Variants in ACYP2 observed in about 807,000 individuals in gnomAD.
ACYP2 encodes acylphosphatase 2, also known as acylphosphatase-2.
In ACYP2, 12 loss-of-function variants were observed where a neutral mutation model predicts 11.2. The observed-to-expected ratio is 1.08, with a 90% CI of 0.69 to 1.74. The LOEUF is 1.74. Ranked by LOEUF, ACYP2 falls within the 40% of genes most tolerant of loss-of-function variation. The probability of loss-of-function intolerance (pLI) is 0.00; values close to 1 mark genes in which losing one functional copy is unlikely to be tolerated. For synonymous variants in ACYP2, 43 were observed against 32.2 expected, an observed-to-expected ratio of 1.33 and a Z score of -1.13; for missense variants, 134 against 101.9, an observed-to-expected ratio of 1.31 and a Z score of -1.35.
At chr2:54,005,954 A>G (rs548393525) in intron 2 of ACYP2, among the ~76,000 whole-genome samples, 1 of 152,296 alleles carries the variant, frequency 6.6e-6, no homozygotes, top group South Asian at 2.1e-4. Context: ...TTTCGTAATC[A>G]TAAACATGGT....
intron 6 of ACYP2, among the ~76,000 whole-genome samples, chr2:54,251,709 C>G (rs560425793): frequency 6.6e-6 from 1 of 152,162 alleles, no homozygotes; most frequent in South Asian, 2.1e-4. Context: ...GACCATGTCT[C>G]CAGAGCAAAG....
At chr2:54,011,078 T>C (rs1411766043) in intron 2 of ACYP2, among the ~76,000 whole-genome samples, 1 of 152,202 alleles carries the variant, frequency 6.6e-6, no homozygotes, top group African/African-American at 2.4e-5. Flanking sequence ...TGGCTAGTTG[T>C]AACAAAGTAA....
intron 2 of ACYP2, among the ~76,000 whole-genome samples, chr2:54,038,800 T>TAAAAA (rs372376830): frequency 9.6e-6 from 1 of 104,422 alleles, no homozygotes; most frequent in Non-Finnish European, 1.9e-5. Context: ...TCAGAATAGG[T>TAAAAA]AAAAAAAAAA....
intron 4 of ACYP2, among the ~76,000 whole-genome samples, chr2:54,079,767 A>G (rs1037710588): frequency 2.6e-5 from 4 of 152,258 alleles, no homozygotes; most frequent in Non-Finnish European, 5.9e-5. Flanking sequence ...GAAAAATAAT[A>G]TAAGATTACA....
intron 6 of ACYP2, among the ~76,000 whole-genome samples, chr2:54,202,706 CTTTTTTTTTTTTTTTTTTTTTTTTTT>C (rs70944152): frequency 2.3e-5 from 1 of 43,056 alleles, no homozygotes; most frequent in Non-Finnish European, 4.2e-5. Context: ...CGGCGCCTGG[CTTTTTTTTTTTTTTTTTTTTTTTTTT>C]TTTTTTTTTT....
At chr2:53,996,819 C>G (rs1046116321) in intron 2 of ACYP2, among the ~76,000 whole-genome samples, 1 of 152,188 alleles carries the variant, frequency 6.6e-6, no homozygotes, top group African/African-American at 2.4e-5. Context: ...TCTCCTAATT[C>G]TTCTTCTTTG....
At chr2:54,224,133 T>C (rs1171844317) in intron 6 of ACYP2, among the ~76,000 whole-genome samples, 5 of 152,158 alleles carry the variant, frequency 3.3e-5, no homozygotes, top group Non-Finnish European at 5.9e-5. Flanking sequence ...GATCAAATTA[T>C]TTTGATGTAG....
chr2:54,249,940 CAAAAAAAAAAAAAAA>C (rs1015312135), intron 6 of ACYP2, among the ~76,000 whole-genome samples: 3 of 44,454 alleles, frequency 6.7e-5, no homozygotes, highest in African/African-American at 1.3e-4. Context: ...GACCCTGTCT[CAAAAAAAAAAAAAAA>C]AAAAAAAAAA....
At chr2:54,207,827 G>A (rs920750987) in intron 6 of ACYP2, among the ~76,000 whole-genome samples, 1 of 152,116 alleles carries the variant, frequency 6.6e-6, no homozygotes, top group African/African-American at 2.4e-5. Flanking sequence ...CAATGGTATT[G>A]TTCTAGTTTG....
At chr2:54,197,851 T>C (rs1209847622) in intron 6 of ACYP2, among the ~76,000 whole-genome samples, 1 of 152,208 alleles carries the variant, frequency 6.6e-6, no homozygotes, top group Non-Finnish European at 1.5e-5. Context: ...TACTTCTTCC[T>C]ACACTGGAGG....
chr2:54,006,305 G>C (rs376084921), intron 2 of ACYP2, among the ~76,000 whole-genome samples: 2 of 152,018 alleles, frequency 1.3e-5, no homozygotes, highest in Admixed American at 1.3e-4. Flanking sequence ...CTGCTACCAC[G>C]CCCGGCTAAT....
chr2:53,984,413 A>T (rs1671915167), intron 2 of ACYP2, among the ~76,000 whole-genome samples: 1 of 151,662 alleles, frequency 6.6e-6, no homozygotes, highest in Non-Finnish European at 1.5e-5. Flanking sequence ...CTCCATCTCT[A>T]CTCAAAATAC....
chr2:54,162,826 A>T lies in ACYP2; in HGVS notation c.404+24078A>T, dbSNP rs185525853. ...AACAACAACAAAAACAACAACAACA[A>T]AAAATCAGAAAGTTAGCCGGGCGTT... On this transcript the variant is annotated intron_variant, in intron 6 of 6. Coordinates refer to ENST00000607452, the MANE Select transcript of ACYP2 (RefSeq NM_001320586.2). 2.5e-4 allele frequency among the ~76,000 whole-genome samples: 38 copies of T among 152,200 alleles called. 1 individual carries two copies. In the East Asian group the frequency reaches 7.4e-3, roughly 30 times the overall value.
intron 2 of ACYP2, among the ~76,000 whole-genome samples, chr2:54,006,592 A>G (rs764874544): frequency 6.6e-5 from 10 of 152,008 alleles, no homozygotes; most frequent in East Asian, 1.9e-4. Context: ...CCCAGTCAGT[A>G]TCTCTCTCTA....
intron 6 of ACYP2, among the ~76,000 whole-genome samples, chr2:54,202,046 C>T (rs1010952406): frequency 6.6e-5 from 10 of 150,436 alleles, no homozygotes; most frequent in East Asian, 6.0e-4. Context: ...AAAGCCCTGA[C>T]GTTTAGGTAT....
intron 6 of ACYP2, among the ~76,000 whole-genome samples, chr2:54,153,028 TATAATC>T (rs1283400791): frequency 1.3e-5 from 2 of 152,196 alleles, no homozygotes; most frequent in Non-Finnish European, 2.9e-5. Context: ...TTTTCAAAAT[TATAATC>T]ATATATAATT....
At chr2:54,152,216 C>T (rs746331631) in intron 6 of ACYP2, among the ~76,000 whole-genome samples, 2 of 149,502 alleles carry the variant, frequency 1.3e-5, no homozygotes, top group African/African-American at 2.5e-5. Context: ...CTCCTGGGCT[C>T]AAGTGATACT....
At chr2:54,147,220 T>G (rs1681937759) in intron 6 of ACYP2, among the ~76,000 whole-genome samples, 1 of 152,186 alleles carries the variant, frequency 6.6e-6, no homozygotes, top group Non-Finnish European at 1.5e-5. Flanking sequence ...ACAATCATAT[T>G]TTCAGTAACT....
Position 54,010,041 on chromosome 2 carries a change from T to C in ACYP2, c.62+36231T>C, listed in dbSNP as rs118126539. Reference sequence around the variant, plus strand: ...CTCTTAGAACAAATACCAGGTTCAGTAGAATGGGAAAAATGATAAAACAAG... The same window carrying C: ...CTCTTAGAACAAATACCAGGTTCAGCAGAATGGGAAAAATGATAAAACAAG... On this transcript the variant is annotated intron_variant, in intron 2 of 6. Transcript: ENST00000607452. 5.7e-4 allele frequency among the ~76,000 whole-genome samples: 86 copies of C among 152,194 alleles called. No homozygotes were observed. In the East Asian group the frequency reaches 0.015, roughly 27 times the overall value.
Sources: allele counts gnomAD v4.1 joint callset (sites outside exome capture counted in the v4.1 genomes callset), GRCh38; gene constraint gnomAD v4.1.1; transcripts MANE v1.5; gene names NCBI Gene and HGNC (gene_info 2026-07-23, HGNC 2026-07-21).